MAP2K1: variants seen among roughly 807,000 people sequenced by gnomAD.
MAP2K1 encodes the protein dual specificity mitogen-activated protein kinase kinase 1.
MAP2K1 carries 16 observed loss-of-function variants against 46.3 expected under a neutral mutation model. The ratio of observed to expected loss-of-function variants is 0.35; its 90% confidence interval spans 0.23 to 0.52. MAP2K1 has a LOEUF of 0.52. Ranked by LOEUF, MAP2K1 falls within the 20% of genes least tolerant of loss-of-function variation. The probability of loss-of-function intolerance (pLI) is 0.94; values close to 1 mark genes in which losing one functional copy is unlikely to be tolerated. For synonymous variants in MAP2K1, 183 were observed against 185.6 expected (o/e 0.99, Z 0.11); for missense variants, 263 against 497.1 (o/e 0.53, Z 4.48).
chr15:66,442,112 G>C (rs1595864463), intron 3 of MAP2K1, among the ~76,000 whole-genome samples: 2 of 152,304 alleles, frequency 1.3e-5, no homozygotes, highest in East Asian at 3.9e-4. Context: ...CACTGCCTCT[G>C]TCCGGCACCC....
chr15:66,465,491 G>GATTA (rs1278503412), intron 5 of MAP2K1, among the ~76,000 whole-genome samples: 3 of 152,166 alleles, frequency 2.0e-5, no homozygotes, highest in Admixed American at 6.5e-5. Flanking sequence ...TAACATAACC[G>GATTA]ATTAGGTCAG....
intron 1 of MAP2K1, among the ~76,000 whole-genome samples, chr15:66,417,307 C>G (rs904338339): frequency 6.6e-6 from 1 of 152,124 alleles, no homozygotes; most frequent in African/African-American, 2.4e-5. Context: ...CAGTGTCTTA[C>G]GCCTGTAATC....
intron 5 of MAP2K1, among the ~76,000 whole-genome samples, chr15:66,466,452 G>A (rs1055995910): frequency 1.3e-5 from 2 of 151,802 alleles, no homozygotes; most frequent in African/African-American, 4.8e-5. Flanking sequence ...GCTGAGGCGG[G>A]TGGATCACTT....
At chr15:66,399,599 C>T (rs1477346028) in intron 1 of MAP2K1, among the ~76,000 whole-genome samples, 1 of 152,080 alleles carries the variant, frequency 6.6e-6, no homozygotes, top group African/African-American at 2.4e-5. Context: ...GGACTATAGG[C>T]ACGTGCCAAT....
At chr15:66,463,378 T>C (rs1892379347) in intron 5 of MAP2K1, among the ~76,000 whole-genome samples, 1 of 152,206 alleles carries the variant, frequency 6.6e-6, no homozygotes, top group Admixed American at 6.5e-5. Flanking sequence ...GAGACTACTC[T>C]CAGTTAATTT....
chr15:66,419,028 G>A (rs1295236705), intron 1 of MAP2K1, among the ~76,000 whole-genome samples: 5 of 143,926 alleles, frequency 3.5e-5, no homozygotes, highest in South Asian at 2.3e-4. Context: ...GTGCAATGGC[G>A]CAATCTTGGC....
At chr15:66,422,797 A>ATC (rs1031970635) in intron 1 of MAP2K1, among the ~76,000 whole-genome samples, 10 of 151,956 alleles carry the variant, frequency 6.6e-5, no homozygotes, top group African/African-American at 2.4e-4. Flanking sequence ...CTTGGCCTTT[A>ATC]TCTCTTCAAG....
At chr15:66,481,981 G>A in intron 6 of MAP2K1, 102 bp downstream of exon 6, 2 of 1,403,774 alleles carry the variant, frequency 1.4e-6, no homozygotes, top group Non-Finnish European at 2.0e-6. Flanking sequence ...CTGGGTAGGG[G>A]ACAAGAAGTG....
intron 1 of MAP2K1, among the ~76,000 whole-genome samples, chr15:66,400,483 A>G (rs950850472): frequency 2.0e-5 from 3 of 152,204 alleles, no homozygotes; most frequent in Admixed American, 1.3e-4. Flanking sequence ...TAGGAACAAA[A>G]TGAGGCAAAC....
At chr15:66,458,293 A>G (rs1381214380) in intron 5 of MAP2K1, among the ~76,000 whole-genome samples, 2 of 152,202 alleles carry the variant, frequency 1.3e-5, no homozygotes, top group African/African-American at 4.8e-5. Flanking sequence ...TATTTTGACT[A>G]AGACCCTGAA....
chr15:66,389,217 T>C (rs2093351038), intron 1 of MAP2K1, among the ~76,000 whole-genome samples: 1 of 152,160 alleles, frequency 6.6e-6, no homozygotes, highest in African/African-American at 2.4e-5. Context: ...ATTTGTTCAG[T>C]TTTAGTATAC....
intron 4 of MAP2K1, among the ~76,000 whole-genome samples, chr15:66,443,742 G>T (rs1054605244): frequency 8.6e-5 from 13 of 151,952 alleles, no homozygotes; most frequent in African/African-American, 2.9e-4. Context: ...GCGTGGTGGT[G>T]CACACGTGTA....
intron 5 of MAP2K1, among the ~76,000 whole-genome samples, chr15:66,466,223 TTGTGTC>T (rs1233154087): frequency 6.6e-6 from 1 of 152,236 alleles, no homozygotes; most frequent in Non-Finnish European, 1.5e-5. Context: ...GTTTCTCCAA[TTGTGTC>T]CTGTTACAAA....
intron 1 of MAP2K1, chr15:66,415,186 A>G: frequency 1.9e-6 from 1 of 518,402 alleles, no homozygotes; most frequent in South Asian, 1.4e-5. Context: ...CTTCACTGGT[A>G]TGACTGATGC....
intron 1 of MAP2K1, among the ~76,000 whole-genome samples, chr15:66,417,387 A>G (rs1489114872): frequency 1.3e-5 from 2 of 152,130 alleles, no homozygotes; most frequent in Non-Finnish European, 2.9e-5. Context: ...TCTGGGCAAC[A>G]TAGTGAAACC....
chr15:66,476,158 C>T (rs1410286908), intron 5 of MAP2K1, among the ~76,000 whole-genome samples: 1 of 152,202 alleles, frequency 6.6e-6, no homozygotes, highest in Non-Finnish European at 1.5e-5. Context: ...AGATCTCAGC[C>T]TCCTGTGGGA....
intron 1 of MAP2K1, among the ~76,000 whole-genome samples, chr15:66,412,884 AT>A (rs1213076933): frequency 6.6e-6 from 1 of 151,028 alleles, no homozygotes; most frequent in African/African-American, 2.4e-5. Context: ...TTATTTATTT[AT>A]TTTATTATTT....
intron 1 of MAP2K1, among the ~76,000 whole-genome samples, chr15:66,411,599 G>C (rs557582815): frequency 1.7e-4 from 26 of 152,252 alleles, no homozygotes; most frequent in African/African-American, 6.0e-4. Context: ...TCTTTTCCCT[G>C]CAGCTAATAA....
At position 66,438,357 on chromosome 15, in the gene MAP2K1, G is replaced by T. The variant is rs180952282; in HGVS notation, c.438+1465G>T. 2.0e-4 allele frequency among the ~76,000 whole-genome samples: 31 copies of T among 152,178 alleles called. No homozygotes were observed. The East Asian group carries it at 4.5e-3, about 22-fold the overall frequency. On this transcript the variant is annotated intron_variant, in intron 3 of 10. Transcript: ENST00000307102. Reference sequence around the variant, plus strand: ...CCGCCTCGGCCTCCCAAAGTGCTGGGATTACAGGCATGAGCCACCGTGCCC... The same window carrying T: ...CCGCCTCGGCCTCCCAAAGTGCTGGTATTACAGGCATGAGCCACCGTGCCC...
Sources: gnomAD v4.1 joint callset for allele counts (sites outside exome capture counted in the v4.1 genomes callset) on GRCh38, gnomAD v4.1.1 for gene constraint, MANE v1.5 for transcripts, NCBI Gene and HGNC (gene_info 2026-07-23, HGNC 2026-07-21) for gene names.